Variants in NRXN1 observed in about 807,000 individuals in gnomAD.
NRXN1 encodes neurexin-1.
Under a neutral mutation model 150.9 loss-of-function variants are expected in NRXN1, and 39 were observed. That is an observed-to-expected ratio of 0.26 (90% confidence interval 0.20 to 0.34). The LOEUF (loss-of-function observed/expected upper bound fraction) is 0.34, where lower values mean the gene tolerates loss of function less well. Among genes scored for constraint, NRXN1 ranks in the 10% least tolerant of loss-of-function variants. NRXN1 has a pLI of 1.00. For synonymous variants in NRXN1, 924 were observed against 757.0 expected, an observed-to-expected ratio of 1.22 and a Z score of -3.62; for missense variants, 1,815 against 1,949.9, an observed-to-expected ratio of 0.93 and a Z score of 1.30.
At chr2:50,266,773 T>A (rs1235692012) in intron 17 of NRXN1, among the ~76,000 whole-genome samples, 1 of 152,090 alleles carries the variant, frequency 6.6e-6, no homozygotes, top group Non-Finnish European at 1.5e-5. Flanking sequence ...ATGACTCCGC[T>A]GTGAAGAAGG....
chr2:50,055,571 T>C (rs1693465750), intron 19 of NRXN1, among the ~76,000 whole-genome samples: 1 of 152,122 alleles, frequency 6.6e-6, no homozygotes, highest in Admixed American at 6.6e-5. Flanking sequence ...CTTATTCACC[T>C]CATTTAAGAA....
chr2:50,475,433 G>C (rs1573139136), intron 15 of NRXN1, among the ~76,000 whole-genome samples: 1 of 152,034 alleles, frequency 6.6e-6, no homozygotes, highest in Non-Finnish European at 1.5e-5. Context: ...CATGAGGAGA[G>C]TGCTAATTCT....
chr2:50,582,478 CAAAAAAAAAAAAAA>C (rs56941425), intron 8 of NRXN1, among the ~76,000 whole-genome samples: 1 of 44,222 alleles, frequency 2.3e-5, no homozygotes. Context: ...GACTCGTCTC[CAAAAAAAAAAAAAA>C]AAAAAAAAAA....
intron 19 of NRXN1, among the ~76,000 whole-genome samples, chr2:50,087,499 A>G (rs1429476101): frequency 1.3e-5 from 2 of 152,150 alleles, no homozygotes; most frequent in Non-Finnish European, 2.9e-5. Context: ...GTTATGAGAA[A>G]GAAAGTCTAT....
chr2:50,506,545 C>T lies in NRXN1; in HGVS notation c.2447G>A (p.Arg816Gln). The change falls in exon 13 of 23, where the codon CGG becomes CAG. Residue 816 changes from arginine to glutamine, a missense_variant. Coordinates refer to ENST00000401669, the MANE Select transcript of NRXN1 (RefSeq NM_001330078.2). ...TGTTAACTTTAAACTTTTTCCACGC[C>T]GAACTACACGCACTGTGTGCCACTC... Reference protein sequence around the residue: ...DNEWHTVRVVRRGKSLKLTVD... With the variant: ...DNEWHTVRVVQRGKSLKLTVD... 2.5e-6 allele frequency: 4 copies of T among 1,612,314 alleles called. No individual in the cohort carries two copies. Among genetic ancestry groups the T allele is most frequent in the East Asian group, 2.2e-5 (1 of 44,758 alleles).
intron 21 of NRXN1, among the ~76,000 whole-genome samples, chr2:49,995,642 G>T (rs1258162872): frequency 6.6e-6 from 1 of 151,616 alleles, no homozygotes; most frequent in Non-Finnish European, 1.5e-5. Flanking sequence ...TGAGCCGGGC[G>T]TGGTGGCGGG....
At chr2:51,000,560 A>G (rs1699898882) in intron 2 of NRXN1, among the ~76,000 whole-genome samples, 1 of 151,988 alleles carries the variant, frequency 6.6e-6, no homozygotes, top group Non-Finnish European at 1.5e-5. Context: ...AACAGGTAAA[A>G]AATAATGAAA....
chr2:49,980,464 G>C (rs1679813740), intron 21 of NRXN1, among the ~76,000 whole-genome samples: 2 of 152,284 alleles, frequency 1.3e-5, no homozygotes, highest in African/African-American at 4.8e-5. Context: ...AAAGTTGGTA[G>C]GAGTAGTTTT....
intron 21 of NRXN1, 137 bp downstream of exon 21, chr2:50,053,134 G>T: frequency 1.2e-6 from 1 of 819,040 alleles, no homozygotes; most frequent in Non-Finnish European, 2.1e-6. Flanking sequence ...AATGCATTAT[G>T]TTAAGCTAGT....
chr2:50,814,923 A>G (rs537272968), intron 5 of NRXN1, among the ~76,000 whole-genome samples: 1 of 152,284 alleles, frequency 6.6e-6, no homozygotes, highest in Non-Finnish European at 1.5e-5. Flanking sequence ...AACAACTCTG[A>G]AAAACTGTGT....
chr2:50,299,268 C>G (rs1043590495), intron 17 of NRXN1, among the ~76,000 whole-genome samples: 2 of 152,102 alleles, frequency 1.3e-5, no homozygotes, highest in African/African-American at 4.8e-5. Flanking sequence ...CTGTCATCTG[C>G]TATATATTGG....
At chr2:50,788,274 G>A (rs578223089) in intron 5 of NRXN1, among the ~76,000 whole-genome samples, 2 of 151,964 alleles carry the variant, frequency 1.3e-5, no homozygotes, top group East Asian at 3.9e-4. Context: ...ATTTTTAGTA[G>A]AGATGGGGTT....
chr2:51,023,480 C>G (rs963835281), intron 2 of NRXN1, among the ~76,000 whole-genome samples: 1 of 152,136 alleles, frequency 6.6e-6, no homozygotes, highest in Non-Finnish European at 1.5e-5. Flanking sequence ...TAATACTTTT[C>G]CTCTGCCTTA....
rs1216059532 is a variant in NRXN1 at position 50,854,393 on chromosome 2, T to C, written c.832+67476A>G. Among the ~76,000 whole-genome samples the C allele has an allele frequency of 2.6e-5, 4 of 151,866 alleles. No individual in the cohort carries two copies. In the East Asian group the frequency reaches 7.7e-4, roughly 29 times the overall value. On this transcript the variant is annotated intron_variant, in intron 5 of 22. Coordinates refer to ENST00000401669, the MANE Select transcript of NRXN1 (RefSeq NM_001330078.2). Reference sequence around the variant, plus strand: ...TCCACAGAACAGTGCAAGGAAAAAATACTAGTAAAACCCAATGGAAAGCTA... The same window carrying C: ...TCCACAGAACAGTGCAAGGAAAAAACACTAGTAAAACCCAATGGAAAGCTA...
chr2:50,667,891 A>G (rs1688301071), intron 5 of NRXN1, among the ~76,000 whole-genome samples: 1 of 151,958 alleles, frequency 6.6e-6, no homozygotes, highest in Non-Finnish European at 1.5e-5. Context: ...CATCTTTCTC[A>G]TTACTTACAT....
intron 17 of NRXN1, among the ~76,000 whole-genome samples, chr2:50,327,122 C>G (rs1301858653): frequency 6.6e-6 from 1 of 152,074 alleles, no homozygotes; most frequent in East Asian, 1.9e-4. Flanking sequence ...ATAATAGCCC[C>G]AAACTGGAAA....
intron 2 of NRXN1, among the ~76,000 whole-genome samples, chr2:50,944,222 T>C (rs1011124562): frequency 6.6e-6 from 1 of 152,144 alleles, no homozygotes; most frequent in East Asian, 1.9e-4. Flanking sequence ...GGAAAAAAAG[T>C]TGAGAAGGGC....
At chr2:50,309,924 T>C (rs1169937739) in intron 17 of NRXN1, among the ~76,000 whole-genome samples, 2 of 152,190 alleles carry the variant, frequency 1.3e-5, no homozygotes, top group African/African-American at 2.4e-5. Context: ...ATGGACCTCA[T>C]AACATGTCAG....
At chr2:50,390,319 A>G (rs2103801705) in intron 17 of NRXN1, among the ~76,000 whole-genome samples, 1 of 152,248 alleles carries the variant, frequency 6.6e-6, no homozygotes, top group Non-Finnish European at 1.5e-5. Context: ...AATTCCATGA[A>G]TCAAAAGGGA....
Sources: gnomAD v4.1 joint callset for allele counts (sites outside exome capture counted in the v4.1 genomes callset) on GRCh38, gnomAD v4.1.1 for gene constraint, MANE v1.5 for transcripts, NCBI Gene and HGNC (gene_info 2026-07-23, HGNC 2026-07-21) for gene names.